Variants in NEDD9 observed in about 807,000 individuals in gnomAD.
The protein encoded by NEDD9 is enhancer of filamentation 1.
NEDD9 carries 26 observed loss-of-function variants against 76.6 expected under a neutral mutation model. The ratio of observed to expected loss-of-function variants is 0.34; its 90% CI spans 0.25 to 0.47. NEDD9 has a LOEUF of 0.47. NEDD9 is among the 20% of genes least tolerant of loss of function. The pLI is 1.00. For missense variants in NEDD9, 937 were observed against 1,058.5 expected (o/e 0.89, Z 1.59); for synonymous variants, 392 against 414.2 (o/e 0.95, Z 0.65).
intron 1 of NEDD9, among the ~76,000 whole-genome samples, chr6:11,216,404 A>G (rs1354439937): frequency 2.6e-5 from 4 of 152,176 alleles, no homozygotes; most frequent in Admixed American, 2.6e-4. Context: ...ACCTGGACAC[A>G]ATGCCCTTGT....
intron 2 of NEDD9, among the ~76,000 whole-genome samples, chr6:11,325,540 T>C (rs1317783405): frequency 6.6e-6 from 1 of 152,320 alleles, no homozygotes; most frequent in Admixed American, 6.5e-5. Context: ...AATATAAAGA[T>C]GAATGGTAAG....
At chr6:11,285,488 A>G (rs1284245305) in intron 3 of NEDD9, among the ~76,000 whole-genome samples, 1 of 152,222 alleles carries the variant, frequency 6.6e-6, no homozygotes, top group African/African-American at 2.4e-5. Flanking sequence ...AAATGAACAA[A>G]TCGATTCTGA....
intron 3 of NEDD9, 124 bp downstream of exon 3, chr6:11,193,467 C>G (rs1758212276): frequency 3.3e-6 from 2 of 609,700 alleles, no homozygotes; most frequent in East Asian, 3.0e-5. Flanking sequence ...GGGTAGACAA[C>G]CTAAACAAAG....
At chr6:11,294,570 G>A (rs937508872) in intron 3 of NEDD9, among the ~76,000 whole-genome samples, 3 of 152,028 alleles carry the variant, frequency 2.0e-5, no homozygotes, top group Admixed American at 6.6e-5. Context: ...TTCCTGTACC[G>A]CCTGCAGAAC....
chr6:11,262,197 A>G (rs1760127386), intron 3 of NEDD9, among the ~76,000 whole-genome samples: 1 of 152,228 alleles, frequency 6.6e-6, no homozygotes, highest in South Asian at 2.1e-4. Context: ...TTGATGGTAC[A>G]AAAGCTCTAG....
At chr6:11,326,910 G>C (rs929754813) in intron 2 of NEDD9, among the ~76,000 whole-genome samples, 1 of 152,242 alleles carries the variant, frequency 6.6e-6, no homozygotes, top group South Asian at 2.1e-4. Flanking sequence ...ATTCAGATAG[G>C]AGAAACAATT....
intron 3 of NEDD9, chr6:11,249,282 A>G (rs1296234321): frequency 1.7e-5 from 7 of 422,082 alleles, no homozygotes; most frequent in African/African-American, 1.2e-4. Context: ...GAAAAACCCT[A>G]GATGAATGAG....
chr6:11,190,229 G>T lies in NEDD9; in HGVS notation c.1640C>A (p.Thr547Lys). 1 of 1,614,240 alleles carries T rather than the reference G, an allele frequency of 6.2e-7. No homozygotes were observed. The highest frequency in any genetic ancestry group is 8.5e-7 in the Non-Finnish European group (1 of 1,180,042). The part of the protein sequence containing the change: ...TVPDDAKQLT[T>K]TINTNAEALF... ...GGCCTCTGCGTTGGTGTTGATGGTT[G>T]TGGTGAGCTGCTTGGCGTCATCGGG... Residue 547 changes from threonine (T) to lysine (K), a missense_variant, in exon 5 of 7, where the codon ACA becomes AAA. Transcript: ENST00000379446. The surrounding 1 kb of genome is among the most constrained non-coding windows in gnomAD (Gnocchi z 5.8).
chr6:11,258,415 A>G (rs1760047275), intron 3 of NEDD9: 1 of 152,238 alleles, frequency 6.6e-6, no homozygotes, highest in Non-Finnish European at 1.5e-5. Flanking sequence ...TAATGCTGTA[A>G]CATGTTTGGT....
chr6:11,306,573 A>G (rs1008542055), intron 2 of NEDD9, among the ~76,000 whole-genome samples: 4 of 152,150 alleles, frequency 2.6e-5, no homozygotes, highest in African/African-American at 9.7e-5. Context: ...TTCCTTGCCT[A>G]TAACCTACAG....
chr6:11,218,345 C>CTTT (rs35407775), intron 1 of NEDD9, among the ~76,000 whole-genome samples: 3 of 141,060 alleles, frequency 2.1e-5, no homozygotes, highest in Admixed American at 7.0e-5. Flanking sequence ...TCTTCAGCAA[C>CTTT]TTTTTTTTTT....
At chr6:11,243,780 A>T (rs1759754934) in intron 3 of NEDD9, among the ~76,000 whole-genome samples, 1 of 152,068 alleles carries the variant, frequency 6.6e-6, no homozygotes, top group Non-Finnish European at 1.5e-5. Flanking sequence ...CTCTCCAATG[A>T]CGTCTACTCT....
In NEDD9 at chr6:11,191,086, A is replaced by G. The variant is rs1230057212; in HGVS notation, c.783T>C (p.Tyr261=). 2.1e-5 allele frequency: 34 copies of G among 1,613,896 alleles called. No individual in the cohort carries two copies. Among genetic ancestry groups the G allele is most frequent in the Non-Finnish European group, 2.5e-5 (30 of 1,180,024 alleles). Residue 261 remains tyrosine, a synonymous_variant, in exon 5 of 7, where the codon TAT becomes TAC. Transcript: ENST00000379446. ...GCTTGGTGCAGGTTGGAGGAATGTCATAAACCCCCTCCGGTCTGAGGTCCG... is the reference window on the plus strand; with the variant it reads ...GCTTGGTGCAGGTTGGAGGAATGTCGTAAACCCCCTCCGGTCTGAGGTCCG... ...GRPDLRPEGV[Y]DIPPTCTKPA...
intron 1 of NEDD9, among the ~76,000 whole-genome samples, chr6:11,224,720 C>A (rs184768979): frequency 2.0e-5 from 3 of 152,286 alleles, no homozygotes; most frequent in African/African-American, 7.2e-5. Flanking sequence ...CTGCCATTTT[C>A]TGTGTGCTGG....
chr6:11,315,148 C>A (rs955053563), intron 2 of NEDD9, among the ~76,000 whole-genome samples: 14 of 152,214 alleles, frequency 9.2e-5, no homozygotes, highest in Admixed American at 7.9e-4. Flanking sequence ...TCTGTAGAAA[C>A]TACAGAATCA....
At chr6:11,314,442 C>T (rs538643390) in intron 2 of NEDD9, among the ~76,000 whole-genome samples, 1 of 152,220 alleles carries the variant, frequency 6.6e-6, no homozygotes, top group East Asian at 1.9e-4. Context: ...TGAAGGAAGG[C>T]GTACTCTTGG....
intron 1 of NEDD9, among the ~76,000 whole-genome samples, chr6:11,358,039 G>A (rs951348552): frequency 1.3e-5 from 2 of 152,134 alleles, no homozygotes; most frequent in Non-Finnish European, 2.9e-5. Flanking sequence ...CACGAGGTCA[G>A]GAGATCGAGA....
At chr6:11,312,066 C>T (rs534143563) in intron 2 of NEDD9, among the ~76,000 whole-genome samples, 1 of 152,214 alleles carries the variant, frequency 6.6e-6, no homozygotes, top group Admixed American at 6.5e-5. Flanking sequence ...CCTCTACTTT[C>T]ACCACCTGCA....
chr6:11,283,280 G>T (rs1760576223), intron 3 of NEDD9, among the ~76,000 whole-genome samples: 1 of 148,058 alleles, frequency 6.8e-6, no homozygotes, highest in South Asian at 2.1e-4. Flanking sequence ...CAACCTTTGT[G>T]TTTATTTGCT....
Sources: allele counts gnomAD v4.1 joint callset (sites outside exome capture counted in the v4.1 genomes callset), GRCh38; gene constraint gnomAD v4.1.1; non-coding constraint Gnocchi (gnomAD v3.1); transcripts MANE v1.5; gene names NCBI Gene and HGNC (gene_info 2026-07-23, HGNC 2026-07-21).